The following ACBD6 variants were observed in gnomAD, a reference collection of about 807,000 sequenced individuals.
The protein encoded by ACBD6 is acyl-CoA-binding domain-containing protein 6.
Under a neutral mutation model 37.2 loss-of-function variants are expected in ACBD6, and 28 were observed. That is an observed-to-expected ratio of 0.75 (90% CI 0.56 to 1.03). ACBD6 has a LOEUF of 1.03. Among genes scored for constraint, ACBD6 ranks in the 50% least tolerant of loss-of-function variants. The pLI is 0.00. For synonymous variants in ACBD6, 113 were observed against 126.8 expected (o/e 0.89, Z 0.73); for missense variants, 340 against 337.4 (o/e 1.01, Z -0.06).
intron 3 of ACBD6, among the ~76,000 whole-genome samples, chr1:180,445,569 A>G (rs934472268): frequency 6.6e-6 from 1 of 152,208 alleles, no homozygotes; most frequent in African/African-American, 2.4e-5. Context: ...AAACTAGCCA[A>G]TTAAATATAA....
At position 180,353,042 on chromosome 1, in the gene ACBD6, A is replaced by G. The variant is rs1035109556; in HGVS notation, c.664-38320T>C. Among the ~76,000 whole-genome samples, 3 of 152,308 alleles carry G rather than the reference A, an allele frequency of 2.0e-5. 1 individual carries two copies. The South Asian group carries it at 6.2e-4, about 32-fold the overall frequency. On this transcript the variant is annotated intron_variant, in intron 6 of 7. Transcript: ENST00000367595. ...TACCTGATCACTGTTTAAAGTAACC[A>G]CCACTATTTTATTTCTTAGAACTTA...
At chr1:180,372,752 A>C (rs929368091) in intron 6 of ACBD6, among the ~76,000 whole-genome samples, 2 of 152,138 alleles carry the variant, frequency 1.3e-5, no homozygotes, top group Non-Finnish European at 2.9e-5. Flanking sequence ...AGTGTTCTTG[A>C]GAGTATCACT....
intron 3 of ACBD6, among the ~76,000 whole-genome samples, chr1:180,479,883 G>T (rs1650956117): frequency 6.6e-6 from 1 of 152,132 alleles, no homozygotes; most frequent in African/African-American, 2.4e-5. Context: ...CAGGTATTCA[G>T]GAGGCTGAGG....
chr1:180,409,290 T>C (rs190760909), intron 5 of ACBD6, among the ~76,000 whole-genome samples: 1 of 152,260 alleles, frequency 6.6e-6, no homozygotes, highest in East Asian at 1.9e-4. Context: ...AAATTTTAAC[T>C]CACAAGCACA....
chr1:180,482,908 C>G (rs1445942034), intron 3 of ACBD6, among the ~76,000 whole-genome samples: 2 of 152,128 alleles, frequency 1.3e-5, no homozygotes, highest in African/African-American at 4.8e-5. Flanking sequence ...TCATTTTATA[C>G]TCTTCCACAC....
rs1303671915 is a variant in ACBD6, at chr1:180,314,705, T to C, written c.681A>G (p.Thr227=). Residue 227 remains threonine, a synonymous_variant, in exon 7 of 8, where the codon ACA becomes ACG. Transcript: ENST00000367595. ...DINCQDNEGQ[T]ALHYASACEF... Reference sequence around the variant, plus strand: ...GAAACTTCTTACCATAATGTAGAGCTGTTTGGCCTTCATTGTCCTATAAAA... The same window carrying C: ...GAAACTTCTTACCATAATGTAGAGCCGTTTGGCCTTCATTGTCCTATAAAA... 8 of 1,531,442 alleles carry C rather than the reference T, an allele frequency of 5.2e-6. No individual in the cohort carries two copies. Among genetic ancestry groups the C allele is most frequent in the Non-Finnish European group, 7.2e-6 (8 of 1,107,174 alleles). 94.9% of individuals were successfully genotyped at this position (1,531,442 alleles called of 1,614,324 possible).
Position 180,502,312 on chromosome 1 carries a change from G to A in ACBD6, c.-46C>T. The A allele has an allele frequency of 6.2e-7, 1 of 1,602,836 alleles. No homozygotes were observed. ...CCTCTGTGTCCGGTCTGTCCTCCTT[G>A]GATTGGGTGTAAGGCCGGCTTGGAG... On this transcript the variant is annotated 5_prime_UTR_variant, in exon 1 of 8. Coordinates refer to ENST00000367595, the MANE Select transcript of ACBD6 (RefSeq NM_032360.4).
intron 7 of ACBD6, among the ~76,000 whole-genome samples, chr1:180,294,101 G>A (rs1043516028): frequency 1.3e-5 from 2 of 151,834 alleles, no homozygotes; most frequent in Non-Finnish European, 2.9e-5. Context: ...CACCATGTTG[G>A]CCAGGCTGAT....
At chr1:180,415,814 C>T (rs1558290262) in intron 4 of ACBD6, among the ~76,000 whole-genome samples, 1 of 152,122 alleles carries the variant, frequency 6.6e-6, no homozygotes, top group African/African-American at 2.4e-5. Context: ...AGTACAAACA[C>T]ATATAAATTT....
At chr1:180,463,012 G>A (rs768868955) in intron 3 of ACBD6, among the ~76,000 whole-genome samples, 2 of 152,118 alleles carry the variant, frequency 1.3e-5, no homozygotes, top group Non-Finnish European at 2.9e-5. Flanking sequence ...CAGAAATCAA[G>A]AAGTTCTTTG....
At chr1:180,448,651 C>T (rs1353515464) in intron 3 of ACBD6, among the ~76,000 whole-genome samples, 1 of 152,094 alleles carries the variant, frequency 6.6e-6, no homozygotes, top group African/African-American at 2.4e-5. Context: ...AGAACGTTAC[C>T]ATGAACCTCT....
At chr1:180,397,757 T>C in intron 5 of ACBD6, 152 bp from the exon 6 acceptor site, 1 of 740,908 alleles carries the variant, frequency 1.3e-6, no homozygotes, top group Non-Finnish European at 2.3e-6. Context: ...GAAAAAGCAA[T>C]AAACAATCAA....
At chr1:180,272,275 GA>G (rs1350629967) in intron 13 of ACBD6, among the ~76,000 whole-genome samples, 1 of 152,146 alleles carries the variant, frequency 6.6e-6, no homozygotes, top group Non-Finnish European at 1.5e-5. Flanking sequence ...CCCTCCTGCT[GA>G]CTGGGGCCTC....
intron 6 of ACBD6, among the ~76,000 whole-genome samples, chr1:180,396,220 C>G (rs6659513): frequency 0.66 from 100,336 of 151,894 alleles, 33,223 homozygotes; most frequent in South Asian, 0.76. Context: ...GAGATGGGTG[C>G]TGGTGATGGG....
chr1:180,439,642 GC>G (rs1649201341), intron 3 of ACBD6, among the ~76,000 whole-genome samples: 1 of 150,020 alleles, frequency 6.7e-6, no homozygotes, highest in African/African-American at 2.4e-5. Flanking sequence ...TCCACACTCA[GC>G]CTCAAGCAAT....
intron 7 of ACBD6, among the ~76,000 whole-genome samples, chr1:180,289,644 A>G (rs751757307): frequency 2.6e-5 from 4 of 152,240 alleles, no homozygotes; most frequent in Admixed American, 2.0e-4. Context: ...TGTACACAGC[A>G]GACCCCAAAT....
At chr1:180,297,452 T>C (rs564985895) in intron 7 of ACBD6, among the ~76,000 whole-genome samples, 22 of 152,272 alleles carry the variant, frequency 1.4e-4, no homozygotes, top group Non-Finnish European at 2.9e-4. Flanking sequence ...ATGTGGGGTT[T>C]CTTAGAAGGC....
chr1:180,495,128 A>G (rs1189075390), intron 2 of ACBD6, among the ~76,000 whole-genome samples: 64 of 152,200 alleles, frequency 4.2e-4, no homozygotes, highest in Non-Finnish European at 1.6e-4. Flanking sequence ...CCTTCTTCCA[A>G]AAATCCCTCC....
At chr1:180,321,798 T>C (rs1426683164) in intron 6 of ACBD6, among the ~76,000 whole-genome samples, 3 of 152,306 alleles carry the variant, frequency 2.0e-5, no homozygotes, top group East Asian at 1.9e-4. Flanking sequence ...TAAGATCCTA[T>C]AATCTTATGA....
Sources: gnomAD v4.1 joint callset for allele counts (sites outside exome capture counted in the v4.1 genomes callset) on GRCh38, gnomAD v4.1.1 for gene constraint, MANE v1.5 for transcripts, NCBI Gene and HGNC (gene_info 2026-07-23, HGNC 2026-07-21) for gene names.